Variants in NUMB observed in about 807,000 individuals in gnomAD.
The protein encoded by NUMB is NUMB endocytic adaptor protein, also known as protein numb homolog.
A neutral mutation model predicts 59.7 loss-of-function variants in NUMB; 29 were observed. The ratio of observed to expected loss-of-function variants is 0.49; its 90% CI spans 0.36 to 0.66. The LOEUF (loss-of-function observed/expected upper bound fraction) is 0.66, where lower values mean the gene tolerates loss of function less well. NUMB is among the 30% of genes least tolerant of loss of function. The pLI is 0.00. For missense variants in NUMB, 723 were observed against 822.0 expected, an observed-to-expected ratio of 0.88 and a Z score of 1.47; for synonymous variants, 288 against 288.2, an observed-to-expected ratio of 1.00 and a Z score of 0.01.
At chr14:73,365,005 G>A (rs755751510) in intron 3 of NUMB, among the ~76,000 whole-genome samples, 2 of 151,958 alleles carry the variant, frequency 1.3e-5, no homozygotes, top group Admixed American at 6.6e-5. Context: ...AAACAAAGAG[G>A]AAAAATACAC....
At chr14:73,315,752 A>G (rs955866981) in intron 6 of NUMB, among the ~76,000 whole-genome samples, 5 of 152,194 alleles carry the variant, frequency 3.3e-5, no homozygotes, top group African/African-American at 9.6e-5. Flanking sequence ...AATATTGGGC[A>G]TTATGTAAAA....
At chr14:73,395,037 T>TTTTGTGTGTGTGTGTG (rs1230785169) in intron 2 of NUMB, among the ~76,000 whole-genome samples, 2 of 119,922 alleles carry the variant, frequency 1.7e-5, no homozygotes, top group Non-Finnish European at 3.4e-5. Context: ...ATTCGTGTGT[T>TTTTGTGTGTGTGTGTG]TGTGTGTGTG....
At chr14:73,405,984 C>G (rs189189605) in intron 2 of NUMB, among the ~76,000 whole-genome samples, 1 of 152,096 alleles carries the variant, frequency 6.6e-6, no homozygotes, top group South Asian at 2.1e-4. Flanking sequence ...TGGGACAGAT[C>G]TGAATAACAC....
rs1172088992 is a variant in NUMB, at chr14:73,352,508, A to G, written c.126+3118T>C. Among the ~76,000 whole-genome samples the G allele has an allele frequency of 1.2e-3, 15 of 12,394 alleles. 1 individual carries two copies. Among genetic ancestry groups the G allele is most frequent in the African/African-American group, 3.3e-3 (6 of 1,840 alleles). The allele number at this position is 12,394 out of a possible 152,430, so 8.1% of individuals were successfully genotyped here. On this transcript the variant is annotated intron_variant, in intron 4 of 12. Coordinates refer to ENST00000555238, the MANE Select transcript of NUMB (RefSeq NM_001005743.2). ...TATATATATATATATATATATATAT[A>G]TATATATATATATATATATATGTTT... is the stretch of plus-strand genomic sequence containing the variant.
At chr14:73,305,791 A>G (rs2139870950) in intron 6 of NUMB, among the ~76,000 whole-genome samples, 1 of 152,338 alleles carries the variant, frequency 6.6e-6, no homozygotes, top group South Asian at 2.1e-4. Flanking sequence ...AAAGGTTCCC[A>G]ATGTGTAAAG....
intron 2 of NUMB, among the ~76,000 whole-genome samples, chr14:73,390,410 TATTAAAC>T (rs1334544127): frequency 2.6e-5 from 4 of 152,172 alleles, no homozygotes; most frequent in Non-Finnish European, 5.9e-5. Context: ...TTTGAAATTT[TATTAAAC>T]ATTAAAGTGA....
intron 1 of NUMB, among the ~76,000 whole-genome samples, chr14:73,436,483 C>G (rs1210559256): frequency 2.0e-5 from 3 of 152,016 alleles, no homozygotes; most frequent in Non-Finnish European, 2.9e-5. Context: ...CCATGTCTGG[C>G]TAATTTTTGT....
At chr14:73,278,697 T>G (rs757636985) in intron 12 of NUMB, among the ~76,000 whole-genome samples, 66 of 150,608 alleles carry the variant, frequency 4.4e-4, no homozygotes, top group Non-Finnish European at 8.1e-4. Context: ...CGGTGATGGA[T>G]TCTCTGAGGT....
In NUMB at chr14:73,276,820, T is replaced by C. The variant is rs1475862058; in HGVS notation, c.1714A>G (p.Thr572Ala). ...FPHYEASSAT[T>A]SPFFKPPAQH... ...GCAGGAGGCTTAAAGAAGGGACTGG[T>C]GGTAGCACTGCTTGCCTCGTAGTGA... The change falls in exon 13 of 13, where the codon ACC becomes GCC. Residue 572 changes from threonine to alanine, a missense_variant. Coordinates refer to ENST00000555238, the MANE Select transcript of NUMB (RefSeq NM_001005743.2). The C allele has an allele frequency of 6.2e-7, 1 of 1,614,100 alleles. No individual in the cohort carries two copies. The highest frequency in any genetic ancestry group is 1.1e-5 in the South Asian group (1 of 91,074).
chr14:73,367,292 T>TAC (rs1237213631), intron 2 of NUMB, among the ~76,000 whole-genome samples: 21 of 111,450 alleles, frequency 1.9e-4, no homozygotes, highest in East Asian at 1.8e-3. Flanking sequence ...TATATATATA[T>TAC]ATATACACAC....
intron 6 of NUMB, among the ~76,000 whole-genome samples, chr14:73,314,703 A>G (rs934330803): frequency 6.6e-6 from 1 of 151,994 alleles, no homozygotes; most frequent in African/African-American, 2.4e-5. Flanking sequence ...CATCTTATCT[A>G]TGACGCCTTA....
intron 10 of NUMB, among the ~76,000 whole-genome samples, chr14:73,282,795 G>A (rs537402591): frequency 6.6e-6 from 1 of 152,262 alleles, no homozygotes; most frequent in South Asian, 2.1e-4. Context: ...ACACTGTTGA[G>A]GATCTGTCCT....
chr14:73,440,598 C>A (rs531939770), intron 1 of NUMB, among the ~76,000 whole-genome samples: 2 of 151,894 alleles, frequency 1.3e-5, no homozygotes, highest in Admixed American at 1.3e-4. Context: ...GTAATCCCAG[C>A]ACTTTGGGAG....
At chr14:73,306,515 C>A (rs1056556100) in intron 6 of NUMB, among the ~76,000 whole-genome samples, 3 of 152,132 alleles carry the variant, frequency 2.0e-5, no homozygotes, top group Non-Finnish European at 4.4e-5. Context: ...TTCTCAACAC[C>A]CCTAGGTTGA....
At chr14:73,345,556 C>T (rs1285086412) in intron 4 of NUMB, among the ~76,000 whole-genome samples, 1 of 152,086 alleles carries the variant, frequency 6.6e-6, no homozygotes, top group Non-Finnish European at 1.5e-5. Context: ...TTGAGGATCC[C>T]AAGGAGTTTT....
At chr14:73,406,221 TCTC>T (rs1226106803) in intron 2 of NUMB, among the ~76,000 whole-genome samples, 7 of 150,676 alleles carry the variant, frequency 4.6e-5, no homozygotes, top group Non-Finnish European at 1.0e-4. Context: ...ATTAGGTAAA[TCTC>T]CTAATGCTAT....
chr14:73,428,615 G>T (rs1270790675), intron 1 of NUMB, among the ~76,000 whole-genome samples: 1 of 152,070 alleles, frequency 6.6e-6, no homozygotes, highest in African/African-American at 2.4e-5. Flanking sequence ...AACATACCAA[G>T]ACTTTGCCTC....
At chr14:73,413,539 C>G (rs919490778) in intron 1 of NUMB, among the ~76,000 whole-genome samples, 3 of 151,584 alleles carry the variant, frequency 2.0e-5, no homozygotes, top group Non-Finnish European at 4.4e-5. Context: ...GGGTGGATCA[C>G]CTGAGGTCAG....
At position 73,344,365 on chromosome 14, in the gene NUMB, T is replaced by C. The variant is rs28531392; in HGVS notation, c.126+11261A>G. 5.5e-3 allele frequency among the ~76,000 whole-genome samples: 832 copies of C among 152,356 alleles called. 16 individuals carry two copies. The highest frequency in any genetic ancestry group is 0.019 in the African/African-American group (799 of 41,590). ...AATAAGAGCTCTACTTTCTGTGCTA[T>C]GGCTACATGGCTACACACAAAATAA... On this transcript the variant is annotated intron_variant, in intron 4 of 12. Transcript: ENST00000555238.
Sources: allele counts gnomAD v4.1 joint callset (sites outside exome capture counted in the v4.1 genomes callset), GRCh38; gene constraint gnomAD v4.1.1; transcripts MANE v1.5; gene names NCBI Gene and HGNC (gene_info 2026-07-23, HGNC 2026-07-21).